Variants in C14orf132 observed in about 807,000 individuals in gnomAD.
C14orf132 encodes chromosome 14 open reading frame 132, also known as uncharacterized protein C14orf132.
C14orf132 carries 6 observed loss-of-function variants against 5.8 expected under a neutral mutation model. That is an observed-to-expected ratio of 1.03 (90% CI 0.57 to 2.04). The LOEUF (loss-of-function observed/expected upper bound fraction) is 2.04, where lower values mean the gene tolerates loss of function less well. Ranked by LOEUF, C14orf132 falls within the 30% of genes most tolerant of loss-of-function variation. C14orf132 has a pLI of 0.00. For synonymous variants in C14orf132, 51 were observed against 49.8 expected (o/e 1.02, Z -0.10); for missense variants, 125 against 115.8 (o/e 1.08, Z -0.37).
intron 1 of C14orf132, among the ~76,000 whole-genome samples, chr14:96,043,639 C>T (rs1364056437): frequency 1.3e-5 from 2 of 152,146 alleles, no homozygotes; most frequent in South Asian, 2.1e-4. Flanking sequence ...ACTTTCCTTG[C>T]ATTCCCCAGC....
chr14:96,058,950 T>A (rs559827901), intron 1 of C14orf132, among the ~76,000 whole-genome samples: 7 of 152,230 alleles, frequency 4.6e-5, no homozygotes, highest in Non-Finnish European at 1.0e-4. Flanking sequence ...GTTTGCATAT[T>A]TGAAGAGGGG....
intron 1 of C14orf132, among the ~76,000 whole-genome samples, chr14:96,061,968 C>T (rs762141844): frequency 2.0e-5 from 3 of 152,108 alleles, no homozygotes; most frequent in Non-Finnish European, 4.4e-5. Flanking sequence ...AATTCCACAG[C>T]TTTCTTACAA....
chr14:96,078,494 T>C (rs10220619), intron 1 of C14orf132, among the ~76,000 whole-genome samples: 33,439 of 152,192 alleles, frequency 0.22, 4,022 homozygotes, highest in Non-Finnish European at 0.27. Flanking sequence ...GAGCCAGCTG[T>C]TGCCGCCTTC....
rs933568877 is a variant in C14orf132 at position 96,093,317 on chromosome 14, C to A, written c.*6582C>A. The A allele has an allele frequency of 2.0e-5, 3 of 152,164 alleles. No individual in the cohort carries two copies. Among genetic ancestry groups the A allele is most frequent in the African/African-American group, 7.2e-5 (3 of 41,434 alleles). 9.4% of individuals were successfully genotyped at this position (152,164 alleles called of 1,614,324 possible). A position where few individuals can be genotyped will look rare whatever the true frequency, so the allele number is the denominator to read the frequency against. On this transcript the variant is annotated 3_prime_UTR_variant, in exon 2 of 2. Coordinates refer to ENST00000555004, the MANE Select transcript of C14orf132 (RefSeq NM_001252507.3). Reference sequence around the variant, plus strand: ...ACCCTTAACTTTGTGTCTCTGGGACCTCCAGGGACCTGGCCCCTCACCAAT... The same window carrying A: ...ACCCTTAACTTTGTGTCTCTGGGACATCCAGGGACCTGGCCCCTCACCAAT...
chr14:96,054,377 C>G (rs189183567), intron 1 of C14orf132, among the ~76,000 whole-genome samples: 1 of 152,172 alleles, frequency 6.6e-6, no homozygotes, highest in African/African-American at 2.4e-5. Context: ...TACGTTGCCA[C>G]AAGCCTTGGG....
chr14:96,040,266 T>C (rs1354938239), intron 1 of C14orf132: 1 of 397,424 alleles, frequency 2.5e-6, no homozygotes, highest in Non-Finnish European at 4.4e-6. Flanking sequence ...CTTAACTCTC[T>C]TGAGCCAGAA....
At position 96,087,125 on chromosome 14, in the gene C14orf132, G is replaced by T; in HGVS notation, c.*390G>T. On this transcript the variant is annotated 3_prime_UTR_variant, in exon 2 of 2. Transcript: ENST00000555004. ...TGTCTTGTTTTTATGCAAACTTATC[G>T]AACCTAGGGCGTGGGGTGCTGGGGC... is the stretch of plus-strand genomic sequence containing the variant. 1 of 239,822 alleles carries T rather than the reference G, an allele frequency of 4.2e-6. No individual in the cohort carries two copies. Among genetic ancestry groups the T allele is most frequent in the Non-Finnish European group, 8.2e-6 (1 of 122,354 alleles). The allele number at this position is 239,822 out of a possible 1,614,324, so 14.9% of individuals were successfully genotyped here.
rs556850130 is a variant in C14orf132 at position 96,051,022 on chromosome 14, CCCTA to C, written c.27+11499_27+11502del. Reference sequence around the variant, plus strand: ...CTTGAATCTAAATCTAGACCATTACCCCTACCTCCCAGCTATGGGCCCCTGATCC... The same window carrying C: ...CTTGAATCTAAATCTAGACCATTACCCCTCCCAGCTATGGGCCCCTGATCC... On this transcript the variant is annotated intron_variant, in intron 1 of 1. Transcript: ENST00000555004. 1.8e-5 allele frequency: 7 copies of C among 395,554 alleles called. No individual in the cohort carries two copies. In the East Asian group the frequency reaches 2.1e-4, roughly 12 times the overall value. 24.5% of individuals were successfully genotyped at this position (395,554 alleles called of 1,614,324 possible).
intron 1 of C14orf132, among the ~76,000 whole-genome samples, chr14:96,077,867 C>G (rs1262128234): frequency 6.6e-6 from 1 of 152,216 alleles, no homozygotes; most frequent in Non-Finnish European, 1.5e-5. Context: ...CACCATAGTT[C>G]AGTTATCAGA....
At chr14:96,064,427 C>T (rs4905424) in intron 1 of C14orf132, among the ~76,000 whole-genome samples, 78,578 of 147,504 alleles carry the variant, frequency 0.53, 22,529 homozygotes, top group African/African-American at 0.74. Flanking sequence ...CACATATATA[C>T]ACATATATAT....
At chr14:96,086,478 G>A in intron 1 of C14orf132, 33 bp from the exon 2 acceptor site, 2 of 1,530,940 alleles carry the variant, frequency 1.3e-6, no homozygotes, top group Non-Finnish European at 1.8e-6. Flanking sequence ...AGCCCCCATG[G>A]CCCTGGATAA....
intron 1 of C14orf132, among the ~76,000 whole-genome samples, chr14:96,050,491 T>C (rs1256816714): frequency 1.3e-5 from 2 of 152,120 alleles, no homozygotes; most frequent in African/African-American, 4.8e-5. Flanking sequence ...TGGGTGATTC[T>C]TTCCCTGCCT....
intron 1 of C14orf132, among the ~76,000 whole-genome samples, chr14:96,052,930 T>C (rs1462896801): frequency 2.0e-5 from 3 of 152,086 alleles, no homozygotes; most frequent in Non-Finnish European, 4.4e-5. Flanking sequence ...GGGGCTTGTA[T>C]TTGGAGAGGG....
chr14:96,063,001 A>G (rs1887409075), intron 1 of C14orf132, among the ~76,000 whole-genome samples: 2 of 152,174 alleles, frequency 1.3e-5, no homozygotes, highest in South Asian at 4.1e-4. Flanking sequence ...CTCTGCCCAG[A>G]GTCACAAAAA....
Position 96,045,824 on chromosome 14 carries a change from C to T in C14orf132, c.27+6297C>T, listed in dbSNP as rs117848987. ...TTAAAGCAATCATTTATTGTGCTGA[C>T]GATTTTGTGGGACCAGAATTGAGGA... On this transcript the variant is annotated intron_variant, in intron 1 of 1. Coordinates refer to ENST00000555004, the MANE Select transcript of C14orf132 (RefSeq NM_001252507.3). Among the ~76,000 whole-genome samples the T allele has an allele frequency of 5.9e-5, 9 of 152,318 alleles. No individual in the cohort carries two copies. The East Asian group carries it at 7.7e-4, about 13-fold the overall frequency.
At chr14:96,057,045 G>T (rs1887205223) in intron 1 of C14orf132, among the ~76,000 whole-genome samples, 1 of 152,122 alleles carries the variant, frequency 6.6e-6, no homozygotes, top group South Asian at 2.1e-4. Context: ...CACTTAATGG[G>T]GCTCACAGGC....
chr14:96,088,048 C>A lies in C14orf132; in HGVS notation c.*1313C>A, dbSNP rs1348429867. 1 of 151,088 alleles carries A rather than the reference C, an allele frequency of 6.6e-6. No homozygotes were observed. 9.4% of individuals were successfully genotyped at this position (151,088 alleles called of 1,614,324 possible). A position where few individuals can be genotyped will look rare whatever the true frequency, so the allele number is the denominator to read the frequency against. ...TCACTCACCTCTAGGCCCAGAGAGG[C>A]TTTCTCCTCACTTTATACACTGCAA... On this transcript the variant is annotated 3_prime_UTR_variant, in exon 2 of 2. Transcript: ENST00000555004.
At chr14:96,042,026 A>G (rs1242966965) in intron 1 of C14orf132, among the ~76,000 whole-genome samples, 3 of 152,210 alleles carry the variant, frequency 2.0e-5, no homozygotes, top group Non-Finnish European at 4.4e-5. Flanking sequence ...TGTTCATGAA[A>G]AGACATTAAC....
At chr14:96,082,437 G>GA (rs1888055437) in intron 1 of C14orf132, among the ~76,000 whole-genome samples, 1 of 152,140 alleles carries the variant, frequency 6.6e-6, no homozygotes. Context: ...TTGAGTCATG[G>GA]AATTCTGCTG....
Sources: gnomAD v4.1 joint callset for allele counts (sites outside exome capture counted in the v4.1 genomes callset) on GRCh38, gnomAD v4.1.1 for gene constraint, MANE v1.5 for transcripts, NCBI Gene and HGNC (gene_info 2026-07-23, HGNC 2026-07-21) for gene names.